The following ADAMTSL1 variants were observed in gnomAD, a reference collection of about 807,000 sequenced individuals.
ADAMTSL1 encodes ADAMTS like 1, also known as ADAMTS-like protein 1.
A neutral mutation model predicts 201.8 loss-of-function variants in ADAMTSL1; 126 were observed. The ratio of observed to expected loss-of-function variants is 0.62; its 90% CI spans 0.54 to 0.72. The LOEUF (loss-of-function observed/expected upper bound fraction) is 0.72. ADAMTSL1 is among the 30% of genes least tolerant of loss of function. The pLI is 0.00. For synonymous variants in ADAMTSL1, 1,121 were observed against 903.4 expected (o/e 1.24, Z -4.32); for missense variants, 2,679 against 2,277.8 (o/e 1.18, Z -3.59).
chr9:18,821,165 G>C (rs1824186644), intron 21 of ADAMTSL1, among the ~76,000 whole-genome samples: 3 of 152,228 alleles, frequency 2.0e-5, no homozygotes, highest in Admixed American at 2.0e-4. Context: ...TCAAGAGTCA[G>C]TGATGGGTGG....
At chr9:18,268,877 A>G (rs919058345) in intron 2 of ADAMTSL1, among the ~76,000 whole-genome samples, 6 of 152,160 alleles carry the variant, frequency 3.9e-5, no homozygotes, top group African/African-American at 1.4e-4. Flanking sequence ...TGTTGTATAT[A>G]AAATTGTGCA....
chr9:18,197,249 A>G (rs1829220763), intron 2 of ADAMTSL1, among the ~76,000 whole-genome samples: 1 of 152,104 alleles, frequency 6.6e-6, no homozygotes, highest in South Asian at 2.1e-4. Context: ...GATGGCATTG[A>G]ATCTGTAAAT....
intron 2 of ADAMTSL1, among the ~76,000 whole-genome samples, chr9:18,451,433 A>G (rs542137873): frequency 6.6e-6 from 1 of 152,244 alleles, no homozygotes. Flanking sequence ...AAATATGGTT[A>G]TGTGTACCTG....
chr9:17,940,350 G>A (rs1377991401), intron 1 of ADAMTSL1, among the ~76,000 whole-genome samples: 1 of 152,014 alleles, frequency 6.6e-6, no homozygotes, highest in East Asian at 1.9e-4. Flanking sequence ...GAAGTAGGCT[G>A]TGGCAGCAAG....
chr9:18,064,844 C>G (rs1318749805), intron 1 of ADAMTSL1, among the ~76,000 whole-genome samples: 1 of 148,918 alleles, frequency 6.7e-6, no homozygotes, highest in African/African-American at 2.5e-5. Flanking sequence ...CTGGAGATGT[C>G]TTTGAGTCAA....
At chr9:18,794,926 G>A (rs1220258326) in intron 19 of ADAMTSL1, among the ~76,000 whole-genome samples, 2 of 152,208 alleles carry the variant, frequency 1.3e-5, no homozygotes, top group East Asian at 1.9e-4. Context: ...ATAGGCATGA[G>A]CCATGGTGTC....
At chr9:18,358,572 CT>C (rs1358237578) in intron 2 of ADAMTSL1, among the ~76,000 whole-genome samples, 5 of 152,166 alleles carry the variant, frequency 3.3e-5, no homozygotes, top group African/African-American at 1.2e-4. Context: ...AATCAACTTT[CT>C]GTCTCTATGA....
intron 1 of ADAMTSL1, among the ~76,000 whole-genome samples, chr9:18,083,923 C>T (rs756902985): frequency 1.9e-4 from 29 of 152,206 alleles, no homozygotes; most frequent in Admixed American, 9.8e-4. Flanking sequence ...TAGACCAATA[C>T]GGTGGTCTTG....
Position 18,826,368 on chromosome 9 carries a change from T to C in ADAMTSL1, c.4019T>C (p.Leu1340Pro). The stretch of plus-strand genomic sequence containing the variant: ...CATCTGCACGAAGGCTCCTTGCTGC[T>C]CACAAACGTGTCCTCCTCGGATCAG... Reference protein sequence around the residue: ...PHHLHEGSLLLTNVSSSDQGL... With the variant: ...PHHLHEGSLLPTNVSSSDQGL... The change falls in exon 22 of 29, where the codon CTC becomes CCC. Residue 1340 changes from leucine to proline, a missense_variant. Physicochemically the swap from Leu to Pro is moderately conservative, Grantham distance 98 (BLOSUM62 -3). Transcript: ENST00000380548. 6.2e-7 allele frequency: 1 copy of C among 1,613,582 alleles called. No individual in the cohort carries two copies. The highest frequency in any genetic ancestry group is 8.5e-7 in the Non-Finnish European group (1 of 1,179,804).
At chr9:18,141,995 A>G (rs1826419073) in intron 1 of ADAMTSL1, among the ~76,000 whole-genome samples, 1 of 152,182 alleles carries the variant, frequency 6.6e-6, no homozygotes, top group African/African-American at 2.4e-5. Context: ...CATCTGTATC[A>G]CCTGGGATGG....
chr9:18,306,841 A>G (rs199736921), intron 2 of ADAMTSL1, among the ~76,000 whole-genome samples: 1 of 152,228 alleles, frequency 6.6e-6, no homozygotes, highest in Admixed American at 6.5e-5. Context: ...GAAATACAGA[A>G]AACCTCACAA....
At chr9:18,828,684 A>G in intron 22 of ADAMTSL1, among the ~76,000 whole-genome samples, 1 of 107,522 alleles carries the variant, frequency 9.3e-6, no homozygotes, top group African/African-American at 4.3e-5. Context: ...ATATATATAT[A>G]TATATATATA....
At chr9:18,675,785 A>C (rs1461356003) in intron 9 of ADAMTSL1, 72 bp from the exon 10 acceptor site, 1 of 1,342,608 alleles carries the variant, frequency 7.4e-7, no homozygotes, top group East Asian at 2.3e-5. Context: ...AATTTGTATA[A>C]TGTAATCATT....
At chr9:18,060,270 T>A (rs1334383584) in intron 1 of ADAMTSL1, among the ~76,000 whole-genome samples, 4 of 152,210 alleles carry the variant, frequency 2.6e-5, no homozygotes, top group Non-Finnish European at 4.4e-5. Context: ...TTTGCCTGGA[T>A]CAAATATTTG....
chr9:18,671,775 G>A (rs528349657), intron 9 of ADAMTSL1, among the ~76,000 whole-genome samples: 1 of 152,142 alleles, frequency 6.6e-6, no homozygotes. Context: ...AACCGGCCGG[G>A]TGTGGTGGCT....
chr9:18,420,160 A>T (rs1281798438), intron 2 of ADAMTSL1, among the ~76,000 whole-genome samples: 2 of 152,238 alleles, frequency 1.3e-5, no homozygotes, highest in African/African-American at 4.8e-5. Context: ...TAATGGTGAA[A>T]ACCGCAATTA....
intron 23 of ADAMTSL1, among the ~76,000 whole-genome samples, chr9:18,880,624 T>C (rs1421765762): frequency 2.0e-5 from 3 of 152,200 alleles, no homozygotes; most frequent in Non-Finnish European, 4.4e-5. Flanking sequence ...TCATCCAGGC[T>C]TTGTTCTTCC....
chr9:18,728,171 G>A (rs999935317), intron 15 of ADAMTSL1, among the ~76,000 whole-genome samples: 2 of 152,124 alleles, frequency 1.3e-5, no homozygotes, highest in African/African-American at 4.8e-5. Flanking sequence ...TGCTGCATGA[G>A]TTTGGGGTAA....
chr9:18,777,370 T>C lies in ADAMTSL1; in HGVS notation c.3141T>C (p.Ser1047=), dbSNP rs7033684. 0.71 allele frequency: 1,138,235 copies of C among 1,600,326 alleles called. 405,571 individuals carry two copies. The highest frequency in any genetic ancestry group is 0.73 in the Middle Eastern group (4,406 of 6,048). ...ELLASWEAQD[S]AERNTTSEED... ...TGGCCTCGTGGGAGGCGCAGGACTC[T>C]GCGGAAAGGAACACGACCTCGGAGG... The change falls in exon 19 of 29, where the codon TCT becomes TCC. Residue 1047 remains serine, a synonymous_variant. Transcript: ENST00000380548.
Sources: gnomAD v4.1 joint callset for allele counts (sites outside exome capture counted in the v4.1 genomes callset) on GRCh38, gnomAD v4.1.1 for gene constraint, MANE v1.5 for transcripts, NCBI Gene and HGNC (gene_info 2026-07-23, HGNC 2026-07-21) for gene names.